The following PRDM5 variants were observed in gnomAD, a reference collection of about 807,000 sequenced individuals.
PRDM5 encodes PR/SET domain 5, also known as PR domain zinc finger protein 5.
PRDM5 carries 56 observed loss-of-function variants against 81.2 expected under a neutral mutation model. The ratio of observed to expected loss-of-function variants is 0.69; its 90% CI spans 0.56 to 0.86. PRDM5 has a LOEUF of 0.86. Ranked by LOEUF, PRDM5 falls within the 40% of genes least tolerant of loss-of-function variation. The pLI, the probability that PRDM5 is intolerant of heterozygous loss-of-function variation, is 0.00. For missense variants in PRDM5, 697 were observed against 770.1 expected (o/e 0.91, Z 1.12); for synonymous variants, 267 against 256.4 (o/e 1.04, Z -0.39).
intron 1 of PRDM5, among the ~76,000 whole-genome samples, chr4:120,915,540 C>G (rs568077324): frequency 9.2e-5 from 14 of 152,298 alleles, no homozygotes; most frequent in African/African-American, 3.4e-4. Context: ...AATGGCATGA[C>G]AGTGTACACC....
chr4:120,903,074 C>T (rs1765393631), intron 2 of PRDM5, among the ~76,000 whole-genome samples: 1 of 152,188 alleles, frequency 6.6e-6, no homozygotes, highest in Non-Finnish European at 1.5e-5. Context: ...GGAGTTATGC[C>T]ACATGCTCTC....
intron 15 of PRDM5, among the ~76,000 whole-genome samples, chr4:120,705,868 A>G (rs562774921): frequency 2.0e-5 from 3 of 152,252 alleles, no homozygotes; most frequent in African/African-American, 4.8e-5. Flanking sequence ...GTTATGAGAA[A>G]CGTTCAGACT....
chr4:120,834,338 A>T (rs1040089393), intron 3 of PRDM5, among the ~76,000 whole-genome samples: 1 of 152,082 alleles, frequency 6.6e-6, no homozygotes, highest in Non-Finnish European at 1.5e-5. Flanking sequence ...TCCCTCATCA[A>T]TGGGATTAGT....
downstream of PRDM5, among the ~76,000 whole-genome samples, chr4:120,687,241 G>C (rs531267098): frequency 3.2e-4 from 48 of 152,054 alleles, no homozygotes; most frequent in African/African-American, 1.2e-3. Flanking sequence ...CAGACCTCTA[G>C]AACTTTTTCA....
intron 15 of PRDM5, among the ~76,000 whole-genome samples, chr4:120,703,388 C>A (rs1246937418): frequency 6.6e-6 from 1 of 152,018 alleles, no homozygotes; most frequent in East Asian, 1.9e-4. Context: ...TGGAGTCTTG[C>A]TATGTTGCCC....
chr4:120,844,876 TAA>T (rs1335844490), intron 3 of PRDM5, among the ~76,000 whole-genome samples: 3 of 152,294 alleles, frequency 2.0e-5, no homozygotes, highest in Middle Eastern at 6.8e-3. Flanking sequence ...TGAAAGAAAT[TAA>T]AAGTGCTACT....
chr4:120,902,397 A>G (rs1765323375), intron 2 of PRDM5, among the ~76,000 whole-genome samples: 1 of 152,224 alleles, frequency 6.6e-6, no homozygotes, highest in South Asian at 2.1e-4. Context: ...AGAATTATTG[A>G]GAGTTTAGCA....
intron 8 of PRDM5, among the ~76,000 whole-genome samples, chr4:120,803,370 T>A (rs1421010244): frequency 6.6e-6 from 1 of 151,756 alleles, no homozygotes; most frequent in African/African-American, 2.4e-5. Context: ...ACAAAGATAC[T>A]CCTCAAGAAG....
chr4:120,921,575 T>A (rs1467930192), intron 1 of PRDM5, among the ~76,000 whole-genome samples: 1 of 152,168 alleles, frequency 6.6e-6, no homozygotes, highest in African/African-American at 2.4e-5. Context: ...CCTCTGAACC[T>A]CTTGTTAACA....
At position 120,835,625 on chromosome 4, in the gene PRDM5, C is replaced by T. The variant is rs1182642084; in HGVS notation, c.301-14280G>A. Among the ~76,000 whole-genome samples, 21 of 152,114 alleles carry T rather than the reference C, an allele frequency of 1.4e-4. 1 individual carries two copies. The highest frequency in any genetic ancestry group is 1.3e-4 in the Admixed American group (2 of 15,278). On this transcript the variant is annotated intron_variant, in intron 3 of 15. Coordinates refer to ENST00000264808, the MANE Select transcript of PRDM5 (RefSeq NM_018699.4). ...TTTGCCTGCCACCATCCATGTAGGA[C>T]GTGACTTGCTCCTCCTTGCCTTCCA...
At chr4:120,701,689 A>G (rs188712526) in intron 15 of PRDM5, among the ~76,000 whole-genome samples, 1 of 152,244 alleles carries the variant, frequency 6.6e-6, no homozygotes, top group South Asian at 2.1e-4. Flanking sequence ...AGGGGAGGAG[A>G]TAAGGGTTGA....
chr4:120,811,481 A>G, intron 7 of PRDM5, 32 bp from the exon 8 acceptor site: 3 of 1,355,758 alleles, frequency 2.2e-6, no homozygotes, highest in Non-Finnish European at 2.1e-6. Flanking sequence ...ATGATGATTT[A>G]AATGAGACTA....
In PRDM5 at chr4:120,810,260, A is replaced by T. The variant is rs72921564; in HGVS notation, c.945+1110T>A. On this transcript the variant is annotated intron_variant, in intron 8 of 15. Transcript: ENST00000264808. Reference sequence around the variant, plus strand: ...TCTAAGATTTAAATGGGTCAGAAAAATAAATCATAGAATTATAAAAGAGGA... The same window carrying T: ...TCTAAGATTTAAATGGGTCAGAAAATTAAATCATAGAATTATAAAAGAGGA... 4.3e-3 allele frequency among the ~76,000 whole-genome samples: 651 copies of T among 152,260 alleles called. 2 individuals carry two copies. Among genetic ancestry groups the T allele is most frequent in the African/African-American group, 0.015 (611 of 41,546 alleles).
intron 2 of PRDM5, among the ~76,000 whole-genome samples, chr4:120,904,315 A>C (rs368508786): frequency 1.3e-5 from 2 of 152,168 alleles, no homozygotes; most frequent in East Asian, 3.9e-4. Context: ...GACGAGACCA[A>C]GAGGAAAAAG....
At chr4:120,797,280 G>T (rs992738022) in intron 10 of PRDM5, among the ~76,000 whole-genome samples, 1 of 152,154 alleles carries the variant, frequency 6.6e-6, no homozygotes, top group African/African-American at 2.4e-5. Flanking sequence ...CTGAATGACA[G>T]GTGAAGGTGT....
intron 15 of PRDM5, among the ~76,000 whole-genome samples, chr4:120,699,168 AT>A (rs1560889323): frequency 5.6e-3 from 164 of 29,180 alleles, no homozygotes; most frequent in African/African-American, 0.014. Context: ...ATAAATATAT[AT>A]ATATATATAT....
chr4:120,733,658 G>T (rs951685878), intron 14 of PRDM5, among the ~76,000 whole-genome samples: 2 of 152,160 alleles, frequency 1.3e-5, no homozygotes, highest in Non-Finnish European at 2.9e-5. Context: ...TTCTGGGTAT[G>T]CAGAGAACTC....
At chr4:120,902,777 A>G (rs1457478792) in intron 2 of PRDM5, among the ~76,000 whole-genome samples, 1 of 152,248 alleles carries the variant, frequency 6.6e-6, no homozygotes, top group African/African-American at 2.4e-5. Context: ...CAATACAGAA[A>G]GTAACTGAGG....
At position 120,922,625 on chromosome 4, in the gene PRDM5, G is replaced by C. The variant is rs1193233901; in HGVS notation, c.-17C>G. On this transcript the variant is annotated 5_prime_UTR_variant, in exon 1 of 16. Transcript: ENST00000264808. The stretch of plus-strand genomic sequence containing the variant: ...GCCCAGCATTTTCCCGGGCGCGGCG[G>C]CCGCCGCCTCTCTCAACACCGGCGC... 4 of 1,567,586 alleles carry C rather than the reference G, an allele frequency of 2.6e-6. No homozygotes were observed. The highest frequency in any genetic ancestry group is 1.9e-5 in the Admixed American group (1 of 52,020).
Sources: allele counts gnomAD v4.1 joint callset (sites outside exome capture counted in the v4.1 genomes callset), GRCh38; gene constraint gnomAD v4.1.1; transcripts MANE v1.5; gene names NCBI Gene and HGNC (gene_info 2026-07-23, HGNC 2026-07-21).